MLLT10: variants seen among roughly 807,000 people sequenced by gnomAD.
The protein encoded by MLLT10 is protein AF-10.
In MLLT10, 30 loss-of-function variants were observed where a neutral mutation model predicts 129.1. The ratio of observed to expected loss-of-function variants is 0.23; its 90% CI spans 0.17 to 0.32. MLLT10 has a LOEUF of 0.32. MLLT10 is among the 10% of genes least tolerant of loss of function. The pLI is 1.00. For missense variants in MLLT10, 1,119 were observed against 1,268.3 expected, an observed-to-expected ratio of 0.88 and a Z score of 1.79; for synonymous variants, 490 against 446.4, an observed-to-expected ratio of 1.10 and a Z score of -1.23.
In MLLT10 at chr10:21,732,284, C is replaced by G. The variant is rs981955656; in HGVS notation, c.2219-615C>G. 9.2e-5 allele frequency among the ~76,000 whole-genome samples: 14 copies of G among 152,158 alleles called. 1 individual carries two copies. The highest frequency in any genetic ancestry group is 1.6e-4 in the Non-Finnish European group (11 of 68,024). ...ATTGAAGTACTTGAGGTGATGGGGCCAGACTGAAAGTCAGCCTGTTTACAG... is the reference window on the plus strand; with the variant it reads ...ATTGAAGTACTTGAGGTGATGGGGCGAGACTGAAAGTCAGCCTGTTTACAG... On this transcript the variant is annotated intron_variant, in intron 17 of 22. Transcript: ENST00000307729.
At chr10:21,704,351 CTCTCTCTATATATA>C (rs1332906289) in intron 13 of MLLT10, among the ~76,000 whole-genome samples, 908 of 62,212 alleles carry the variant, frequency 0.015, 3 homozygotes, top group Non-Finnish European at 0.021. Flanking sequence ...CTCTCTCTCT[CTCTCTCTATATATA>C]TATATATATA....
At chr10:21,620,442 G>C (rs2045696629) in intron 8 of MLLT10, among the ~76,000 whole-genome samples, 1 of 152,142 alleles carries the variant, frequency 6.6e-6, no homozygotes, top group African/African-American at 2.4e-5. Flanking sequence ...TTACCATGGA[G>C]TTATGTCAGG....
chr10:21,616,827 C>G (rs1201785811), intron 7 of MLLT10, among the ~76,000 whole-genome samples: 1 of 151,676 alleles, frequency 6.6e-6, no homozygotes, highest in Non-Finnish European at 1.5e-5. Context: ...TATTTTTAAG[C>G]TGATGTTGAA....
chr10:21,698,124 A>G (rs1294592166), intron 13 of MLLT10, among the ~76,000 whole-genome samples: 1 of 152,188 alleles, frequency 6.6e-6, no homozygotes, highest in Non-Finnish European at 1.5e-5. Flanking sequence ...TGCTAATGAT[A>G]GTCACCCTAG....
At chr10:21,631,155 C>CA (rs1018423177) in intron 8 of MLLT10, among the ~76,000 whole-genome samples, 9 of 150,126 alleles carry the variant, frequency 6.0e-5, no homozygotes, top group South Asian at 2.1e-4. Flanking sequence ...CTAAAAAATA[C>CA]AAAAAAAAAT....
chr10:21,556,777 G>A, intron 3 of MLLT10: 2 of 1,598,454 alleles, frequency 1.3e-6, no homozygotes, highest in Non-Finnish European at 1.7e-6. Context: ...GTGCTCTGAT[G>A]CATTGCTTTT....
intron 9 of MLLT10, among the ~76,000 whole-genome samples, chr10:21,659,841 T>A (rs1187951483): frequency 6.6e-6 from 1 of 152,026 alleles, no homozygotes; most frequent in African/African-American, 2.4e-5. Context: ...TCTTCTTCAG[T>A]CCATCCATGT....
intron 14 of MLLT10, among the ~76,000 whole-genome samples, chr10:21,716,244 T>C (rs2131524700): frequency 6.6e-6 from 1 of 152,380 alleles, no homozygotes; most frequent in East Asian, 1.9e-4. Flanking sequence ...AGTTTATTCC[T>C]GTTTCACTCT....
chr10:21,658,083 C>G (rs529045481), intron 9 of MLLT10, among the ~76,000 whole-genome samples: 1 of 151,874 alleles, frequency 6.6e-6, no homozygotes, highest in African/African-American at 2.4e-5. Context: ...GAAGGAAATA[C>G]ACACAATCTT....
chr10:21,605,255 C>A (rs1470449823), intron 5 of MLLT10, among the ~76,000 whole-genome samples: 2 of 152,104 alleles, frequency 1.3e-5, no homozygotes, highest in South Asian at 4.1e-4. Flanking sequence ...CTCATGATGG[C>A]GTGGCTGACT....
rs1173340566 is a variant in MLLT10, at chr10:21,609,804, CT to C, written c.406-2536del. Among the ~76,000 whole-genome samples the C allele has an allele frequency of 6.6e-5, 10 of 151,948 alleles. No individual in the cohort carries two copies. The East Asian group carries it at 9.7e-4, about 15-fold the overall frequency. ...AATTCAGGTACTCTTTATTAGTTTT[CT>C]TTTTTTTCTTACTTGTTTTTGTTTG... On this transcript the variant is annotated intron_variant, in intron 5 of 22. Transcript: ENST00000307729.
At chr10:21,583,600 CTT>C (rs1345728883) in intron 3 of MLLT10, among the ~76,000 whole-genome samples, 2 of 152,086 alleles carry the variant, frequency 1.3e-5, no homozygotes, top group Admixed American at 6.6e-5. Flanking sequence ...GCTGAGGAAA[CTT>C]TTACTCATGG....
intron 13 of MLLT10, among the ~76,000 whole-genome samples, chr10:21,703,729 A>G (rs899687659): frequency 2.1e-4 from 32 of 152,012 alleles, no homozygotes; most frequent in African/African-American, 7.7e-4. Flanking sequence ...TGTTTTTAGT[A>G]GAGACAGGGT....
At chr10:21,658,300 TCTG>T (rs1311132829) in intron 9 of MLLT10, among the ~76,000 whole-genome samples, 1 of 152,222 alleles carries the variant, frequency 6.6e-6, no homozygotes, top group Non-Finnish European at 1.5e-5. Flanking sequence ...CAACTACTGA[TCTG>T]CTTTTTGTCA....
At chr10:21,715,657 C>A (rs2056490972) in intron 14 of MLLT10, among the ~76,000 whole-genome samples, 1 of 152,042 alleles carries the variant, frequency 6.6e-6, no homozygotes. Flanking sequence ...AGTAAAAATC[C>A]CCATTTCTTC....
chr10:21,630,923 C>T (rs1251260818), intron 8 of MLLT10, among the ~76,000 whole-genome samples: 1 of 152,160 alleles, frequency 6.6e-6, no homozygotes, highest in African/African-American at 2.4e-5. Context: ...GGCCTTAACT[C>T]GCTAGCACAC....
chr10:21,590,401 G>A (rs1394100633), intron 4 of MLLT10, among the ~76,000 whole-genome samples: 4 of 151,596 alleles, frequency 2.6e-5, no homozygotes, highest in African/African-American at 4.9e-5. Flanking sequence ...ATGCAGTGGC[G>A]TGATGTCGGC....
intron 13 of MLLT10, among the ~76,000 whole-genome samples, chr10:21,702,790 C>T (rs557601934): frequency 3.1e-4 from 47 of 151,828 alleles, no homozygotes; most frequent in Non-Finnish European, 5.6e-4. Flanking sequence ...TTTTTTCATA[C>T]CTTTACTTTC....
At chr10:21,654,532 G>T (rs2049364641) in intron 9 of MLLT10, among the ~76,000 whole-genome samples, 1 of 152,140 alleles carries the variant, frequency 6.6e-6, no homozygotes, top group African/African-American at 2.4e-5. Context: ...AGAAAAAAAG[G>T]CATGAGATGG....
Sources: gnomAD v4.1 joint callset for allele counts (sites outside exome capture counted in the v4.1 genomes callset) on GRCh38, gnomAD v4.1.1 for gene constraint, MANE v1.5 for transcripts, NCBI Gene and HGNC (gene_info 2026-07-23, HGNC 2026-07-21) for gene names.